DIAPH2: variants seen among roughly 807,000 people sequenced by gnomAD.
DIAPH2 encodes protein diaphanous homolog 2.
In DIAPH2, 35 loss-of-function variants were observed where a neutral mutation model predicts 92.7. The observed-to-expected ratio is 0.38, with a 90% CI of 0.29 to 0.50. DIAPH2 has a LOEUF of 0.50. DIAPH2 is among the 20% of genes least tolerant of loss of function. DIAPH2 has a pLI of 0.94. For synonymous variants in DIAPH2, 301 were observed against 280.4 expected (o/e 1.07, Z -0.73); for missense variants, 701 against 819.5 (o/e 0.86, Z 1.77).
chrX:97,132,865 G>A (rs975392143), intron 21 of DIAPH2, among the ~76,000 whole-genome samples: 8 of 111,545 alleles, frequency 7.2e-5, no homozygotes, highest in Non-Finnish European at 1.5e-4. Context: ...TGTATTGTGT[G>A]ATGTTGCTAT....
intron 23 of DIAPH2, among the ~76,000 whole-genome samples, chrX:97,324,979 TA>T (rs2068937268): frequency 9.0e-6 from 1 of 111,397 alleles, no homozygotes; most frequent in Non-Finnish European, 1.9e-5. Context: ...TTTGTATTTT[TA>T]GTAGAGACGG....
intron 17 of DIAPH2, among the ~76,000 whole-genome samples, chrX:96,983,342 A>T (rs777609212): frequency 4.5e-5 from 5 of 111,420 alleles, no homozygotes; most frequent in African/African-American, 1.6e-4. Context: ...TAAGCATTGA[A>T]TTCATGACCT....
chrX:97,373,126 T>G (rs1015215830), intron 24 of DIAPH2, among the ~76,000 whole-genome samples: 2 of 112,308 alleles, frequency 1.8e-5, no homozygotes, highest in Non-Finnish European at 3.8e-5. Context: ...CAAGTGAATT[T>G]CCTCAGCGGA....
chrX:96,995,542 T>C (rs2066099266), intron 17 of DIAPH2, among the ~76,000 whole-genome samples: 1 of 111,458 alleles, frequency 9.0e-6, no homozygotes, highest in Non-Finnish European at 1.9e-5. Context: ...CATTTCAAAA[T>C]AAAATTGGGT....
intron 17 of DIAPH2, among the ~76,000 whole-genome samples, chrX:97,071,367 A>G (rs1031383427): frequency 9.0e-6 from 1 of 111,655 alleles, no homozygotes; most frequent in Non-Finnish European, 1.9e-5. Flanking sequence ...ATCAACATAA[A>G]ATATATTCTT....
chrX:96,837,429 CTCTCTG>C (rs1463814962), intron 4 of DIAPH2, among the ~76,000 whole-genome samples: 84 of 39,089 alleles, frequency 2.1e-3, no homozygotes, highest in African/African-American at 0.018. Flanking sequence ...CTCTCTCTCT[CTCTCTG>C]TGTGTGTGTG....
At chrX:96,822,150 A>G (rs752486916) in intron 4 of DIAPH2, among the ~76,000 whole-genome samples, 8 of 111,089 alleles carry the variant, frequency 7.2e-5, no homozygotes, top group Non-Finnish European at 1.5e-4. Context: ...GTTAAGTCCT[A>G]TGAAAGATGA....
At chrX:96,994,797 A>G (rs1022195451) in intron 17 of DIAPH2, among the ~76,000 whole-genome samples, 3 of 111,038 alleles carry the variant, frequency 2.7e-5, no homozygotes, top group African/African-American at 6.6e-5. Flanking sequence ...AACTATTCAG[A>G]TGTCATGAGA....
rs747208058 is a variant in DIAPH2 at position 97,302,847 on chromosome X, G to A, written c.2845-45269G>A. Among the ~76,000 whole-genome samples the A allele has an allele frequency of 3.6e-5, 4 of 111,163 alleles. No individual in the cohort carries two copies. In the South Asian group the frequency reaches 1.1e-3, roughly 32 times the overall value. On this transcript the variant is annotated intron_variant, in intron 23 of 26. Coordinates refer to ENST00000324765, the MANE Select transcript of DIAPH2 (RefSeq NM_006729.5). Reference sequence around the variant, plus strand: ...AAAAATACAAAAATTAGCCGGGCGCGGTGTCGTGCGCCTATAGTCACAGCT... The same window carrying A: ...AAAAATACAAAAATTAGCCGGGCGCAGTGTCGTGCGCCTATAGTCACAGCT...
intron 15 of DIAPH2, among the ~76,000 whole-genome samples, chrX:96,950,964 G>C (rs5920978): frequency 0.43 from 48,013 of 110,409 alleles, 7,678 homozygotes; most frequent in South Asian, 0.56. Flanking sequence ...TACAGAAATG[G>C]CAATAGGTTG....
intron 22 of DIAPH2, among the ~76,000 whole-genome samples, chrX:97,236,819 C>T (rs1216361999): frequency 9.0e-6 from 1 of 111,474 alleles, no homozygotes; most frequent in East Asian, 2.8e-4. Context: ...GCTGGGATTA[C>T]AGGCGTGAAC....
chrX:97,430,626 A>ATAATT (rs1157082074), intron 26 of DIAPH2, among the ~76,000 whole-genome samples: 4 of 112,708 alleles, frequency 3.5e-5, no homozygotes, highest in Non-Finnish European at 7.5e-5. Flanking sequence ...ATTTAGATTA[A>ATAATT]TAAGATTTGC....
At chrX:97,580,461 T>C (rs1315167194) in intron 26 of DIAPH2, among the ~76,000 whole-genome samples, 4 of 102,695 alleles carry the variant, frequency 3.9e-5, no homozygotes, top group Non-Finnish European at 7.9e-5. Context: ...GTTTATATGC[T>C]GGATTACATT....
chrX:97,272,487 A>G (rs1781749531), intron 23 of DIAPH2, among the ~76,000 whole-genome samples: 2 of 112,264 alleles, frequency 1.8e-5, no homozygotes, highest in South Asian at 7.4e-4. Context: ...TTTAAGATTC[A>G]GTTGATTATT....
chrX:97,331,518 C>A (rs1602513939), intron 23 of DIAPH2, among the ~76,000 whole-genome samples: 2 of 111,754 alleles, frequency 1.8e-5, no homozygotes, highest in African/African-American at 6.5e-5. Context: ...TTAGGAAATA[C>A]AGTACAAACA....
intron 26 of DIAPH2, among the ~76,000 whole-genome samples, chrX:97,560,046 G>C (rs1016440046): frequency 9.0e-6 from 1 of 111,503 alleles, no homozygotes; most frequent in Non-Finnish European, 1.9e-5. Context: ...CAAATTTCAC[G>C]GTCTCTGTGT....
At chrX:96,755,717 CA>C (rs67781827) in intron 3 of DIAPH2, among the ~76,000 whole-genome samples, 15,513 of 102,201 alleles carry the variant, frequency 0.15, 915 homozygotes, top group Middle Eastern at 0.24. Context: ...TTTACTTTAT[CA>C]AAAAAAAAAA....
intron 4 of DIAPH2, among the ~76,000 whole-genome samples, chrX:96,794,001 A>C (rs1201886854): frequency 5.4e-5 from 6 of 111,755 alleles, no homozygotes; most frequent in African/African-American, 1.6e-4. Flanking sequence ...CCATACGTGG[A>C]TTAGCTTATA....
At chrX:97,594,660 T>C (rs1386783757) in intron 26 of DIAPH2, among the ~76,000 whole-genome samples, 3 of 112,957 alleles carry the variant, frequency 2.7e-5, no homozygotes, top group African/African-American at 9.6e-5. Flanking sequence ...CAAAGGGCTT[T>C]GGAGAAAGCA....
Sources: gnomAD v4.1 joint callset for allele counts (sites outside exome capture counted in the v4.1 genomes callset) on GRCh38, gnomAD v4.1.1 for gene constraint, MANE v1.5 for transcripts, NCBI Gene and HGNC (gene_info 2026-07-23, HGNC 2026-07-21) for gene names.